Variants in RABEPK observed in about 807,000 individuals in gnomAD.
The protein encoded by RABEPK is Rab9 effector protein with kelch motifs.
Under a neutral mutation model 34.1 loss-of-function variants are expected in RABEPK, and 27 were observed. The observed-to-expected ratio is 0.79, with a 90% CI of 0.58 to 1.09. The LOEUF (loss-of-function observed/expected upper bound fraction) is 1.09, where lower values mean the gene tolerates loss of function less well. Ranked by LOEUF, RABEPK falls within the 50% of genes least tolerant of loss-of-function variation. The pLI, the probability that RABEPK is intolerant of heterozygous loss-of-function variation, is 0.00. For synonymous variants in RABEPK, 172 were observed against 169.2 expected (o/e 1.02, Z -0.13); for missense variants, 449 against 462.6 (o/e 0.97, Z 0.27).
At chr9:125,225,432 C>G (rs1358157137) in intron 5 of RABEPK, among the ~76,000 whole-genome samples, 1 of 152,018 alleles carries the variant, frequency 6.6e-6, no homozygotes, top group African/African-American at 2.4e-5. Flanking sequence ...GCCTGTAATC[C>G]CAGCACTTTG....
chr9:125,203,046 C>T lies in RABEPK; in HGVS notation c.33C>T (p.Asp11=). 1 of 1,613,550 alleles carries T rather than the reference C, an allele frequency of 6.2e-7. No homozygotes were observed. Among genetic ancestry groups the T allele is most frequent in the Non-Finnish European group, 8.5e-7 (1 of 1,179,674 alleles). Residue 11 remains aspartate (D), a synonymous_variant, in exon 2 of 8, where the codon GAC becomes GAT. Transcript: ENST00000373538. MKQLPVLEPG[D]KPRKATWYTL... Reference sequence around the variant, plus strand: ...AACTGCCAGTCTTGGAACCTGGAGACAAGCCCAGGAAAGCAACATGGTCTG... The same window carrying T: ...AACTGCCAGTCTTGGAACCTGGAGATAAGCCCAGGAAAGCAACATGGTCTG...
intron 3 of RABEPK, among the ~76,000 whole-genome samples, chr9:125,208,891 C>T (rs1274014473): frequency 1.3e-5 from 2 of 151,944 alleles, no homozygotes; most frequent in South Asian, 2.1e-4. Flanking sequence ...TACTGTAGTC[C>T]AAGCCACTGT....
In RABEPK at chr9:125,220,598, C is replaced by G. The variant is rs1333138115; in HGVS notation, c.424C>G (p.His142Asp). ...TSPPPSPRTFHTSSAAIGNQL... is the reference protein window; with the variant it reads ...TSPPPSPRTFDTSSAAIGNQL... Reference sequence around the variant, plus strand: ...CCCCCCACCATCCCCAAGAACATTCCACACATCATCGGCAGCCATTGGAAA... The same window carrying G: ...CCCCCCACCATCCCCAAGAACATTCGACACATCATCGGCAGCCATTGGAAA... Residue 142 changes from histidine (H) to aspartate (D), a missense_variant, in exon 5 of 8, where the codon CAC (histidine) becomes GAC (aspartate). Coordinates refer to ENST00000373538, the MANE Select transcript of RABEPK (RefSeq NM_005833.4). 12 of 1,614,016 alleles carry G rather than the reference C, an allele frequency of 7.4e-6. No homozygotes were observed. The Middle Eastern group carries it at 1.2e-3, about 155-fold the overall frequency.
chr9:125,202,230 A>T (rs745694808), intron 1 of RABEPK, among the ~76,000 whole-genome samples: 1 of 149,242 alleles, frequency 6.7e-6, no homozygotes, highest in Admixed American at 6.7e-5. Flanking sequence ...AAATAAAAAT[A>T]AAAAATAAAG....
intron 5 of RABEPK, among the ~76,000 whole-genome samples, chr9:125,226,446 C>T (rs1564194760): frequency 6.6e-6 from 1 of 152,066 alleles, no homozygotes. Flanking sequence ...AATAACAAGG[C>T]TGGGCACAGT....
At chr9:125,214,530 G>GT (rs1564181968) in intron 4 of RABEPK, among the ~76,000 whole-genome samples, 2 of 152,078 alleles carry the variant, frequency 1.3e-5, no homozygotes, top group Non-Finnish European at 2.9e-5. Context: ...TTGTTTGTTT[G>GT]TTTTTGTTTT....
chr9:125,233,822 C>G lies in RABEPK; in HGVS notation c.961C>G (p.His321Asp). ...KEDSNSLTLNHEAEKEDSADK... is the reference protein window; with the variant it reads ...KEDSNSLTLNDEAEKEDSADK... ...AGATTCCAACTCTCTCACTCTGAAC[C>G]ATGAAGCTGAGAAAGAGGATTCAGC... is the stretch of plus-strand genomic sequence containing the variant. The change falls in exon 8 of 8, where the codon CAT becomes GAT. Residue 321 changes from histidine to aspartate, a missense_variant. His to Asp is a moderately conservative substitution (Grantham distance 81, BLOSUM62 -1). Coordinates refer to ENST00000373538, the MANE Select transcript of RABEPK (RefSeq NM_005833.4). 6.2e-7 allele frequency: 1 copy of G among 1,614,176 alleles called. No individual in the cohort carries two copies. Among genetic ancestry groups the G allele is most frequent in the Non-Finnish European group, 8.5e-7 (1 of 1,180,038 alleles).
At chr9:125,214,004 C>G (rs761637202) in intron 4 of RABEPK, among the ~76,000 whole-genome samples, 1 of 149,874 alleles carries the variant, frequency 6.7e-6, no homozygotes, top group Non-Finnish European at 1.5e-5. Flanking sequence ...CGCCTATAAT[C>G]CCAGCTACTC....
intron 4 of RABEPK, among the ~76,000 whole-genome samples, chr9:125,215,031 C>G (rs963286746): frequency 2.0e-5 from 3 of 151,928 alleles, no homozygotes; most frequent in Admixed American, 2.0e-4. Context: ...CTCAGGTGAT[C>G]CGCCCACCTC....
chr9:125,223,348 AGGGAGGCTGAGGCAGGAGAATCC>A (rs1831494469), intron 5 of RABEPK, among the ~76,000 whole-genome samples: 1 of 151,690 alleles, frequency 6.6e-6, no homozygotes, highest in Non-Finnish European at 1.5e-5. Context: ...CCCAGCTACT[AGGGAGGCTGAGGCAGGAGAATCC>A]CTTGAACCTG....
At chr9:125,208,455 C>T (rs551889156) in intron 3 of RABEPK, among the ~76,000 whole-genome samples, 1 of 152,276 alleles carries the variant, frequency 6.6e-6, no homozygotes, top group African/African-American at 2.4e-5. Context: ...TCATTGCAAC[C>T]TCTGCCTCCC....
intron 4 of RABEPK, 167 bp from the exon 5 acceptor site, chr9:125,220,372 A>G (rs1831237758): frequency 1.4e-6 from 2 of 1,463,656 alleles, no homozygotes; most frequent in African/African-American, 1.4e-5. Flanking sequence ...AATCCTAAGT[A>G]TCATCTTCAT....
chr9:125,206,695 A>G (rs1477372303), intron 2 of RABEPK, among the ~76,000 whole-genome samples: 1 of 152,208 alleles, frequency 6.6e-6, no homozygotes, highest in East Asian at 1.9e-4. Context: ...GTTGATTACC[A>G]TGTGGTGGCA....
intron 2 of RABEPK, among the ~76,000 whole-genome samples, chr9:125,207,122 C>T (rs1453949491): frequency 2.0e-5 from 3 of 151,588 alleles, no homozygotes; most frequent in Non-Finnish European, 4.4e-5. Context: ...TTGCTGTCCT[C>T]ATTTCACAAA....
At chr9:125,211,228 C>G (rs556632905) in intron 3 of RABEPK, among the ~76,000 whole-genome samples, 1 of 150,960 alleles carries the variant, frequency 6.6e-6, no homozygotes, top group Non-Finnish European at 1.5e-5. Context: ...TAGGGCGAGA[C>G]GCCATCTCAA....
chr9:125,229,952 G>C (rs1180480899), intron 6 of RABEPK, among the ~76,000 whole-genome samples: 1 of 152,100 alleles, frequency 6.6e-6, no homozygotes, highest in African/African-American at 2.4e-5. Flanking sequence ...GTGTCTGGCA[G>C]ATAGTGGGTG....
chr9:125,229,363 G>A (rs1270480880), intron 6 of RABEPK, among the ~76,000 whole-genome samples: 3 of 152,114 alleles, frequency 2.0e-5, no homozygotes. Context: ...AACCTGGGAG[G>A]TGGAGGTTGC....
chr9:125,220,736 C>G, intron 5 of RABEPK, 36 bp downstream of exon 5: 1 of 1,595,402 alleles, frequency 6.3e-7, no homozygotes, highest in Non-Finnish European at 8.5e-7. Flanking sequence ...CTGGTCAGGG[C>G]CATCCCAGTT....
chr9:125,220,415 G>T, intron 4 of RABEPK, 124 bp from the exon 5 acceptor site: 1 of 1,484,514 alleles, frequency 6.7e-7, no homozygotes, highest in East Asian at 2.4e-5. Context: ...TGAGATCCCT[G>T]CCCAAAACTA....
Sources: allele counts gnomAD v4.1 joint callset (sites outside exome capture counted in the v4.1 genomes callset), GRCh38; gene constraint gnomAD v4.1.1; transcripts MANE v1.5; gene names NCBI Gene and HGNC (gene_info 2026-07-23, HGNC 2026-07-21).